SLC2A13: variants seen among roughly 807,000 people sequenced by gnomAD.
SLC2A13 encodes the protein solute carrier family 2 member 13.
SLC2A13 carries 32 observed loss-of-function variants against 64.4 expected under a neutral mutation model. The observed-to-expected ratio is 0.50, with a 90% CI of 0.37 to 0.67. The LOEUF is 0.67. Ranked by LOEUF, SLC2A13 falls within the 30% of genes least tolerant of loss-of-function variation. SLC2A13 has a pLI of 0.00. For synonymous variants in SLC2A13, 338 were observed against 327.1 expected (o/e 1.03, Z -0.36); for missense variants, 743 against 829.2 (o/e 0.90, Z 1.28).
At chr12:40,061,360 A>G (rs1948418979) in intron 1 of SLC2A13, among the ~76,000 whole-genome samples, 1 of 152,140 alleles carries the variant, frequency 6.6e-6, no homozygotes, top group South Asian at 2.1e-4. Flanking sequence ...TAAAAGCAAA[A>G]GGATAAAAAA....
At chr12:39,835,206 T>C (rs1156271714) in intron 6 of SLC2A13, among the ~76,000 whole-genome samples, 1 of 152,030 alleles carries the variant, frequency 6.6e-6, no homozygotes, top group East Asian at 1.9e-4. Flanking sequence ...TGGACTAAGG[T>C]CTAAATTCTA....
Position 40,106,028 on chromosome 12 carries a change from G to A in SLC2A13, c.-220C>T, listed in dbSNP as rs1000521589. ...ACGCTGCGGAGTTGGAGCCCGGCGG[G>A]TCTCACTCCACACTCACGCCCCGCG... On this transcript the variant is annotated 5_prime_UTR_variant, in exon 1 of 10. Transcript: ENST00000280871. The A allele has an allele frequency of 8.6e-6, 4 of 466,432 alleles. No homozygotes were observed. Among genetic ancestry groups the A allele is most frequent in the Admixed American group, 4.6e-5 (1 of 21,766 alleles). 28.9% of individuals were successfully genotyped at this position (466,432 alleles called of 1,614,324 possible). A position where few individuals can be genotyped will look rare whatever the true frequency, so the allele number is the denominator to read the frequency against.
intron 3 of SLC2A13, among the ~76,000 whole-genome samples, chr12:39,991,422 C>T (rs1293539512): frequency 6.6e-6 from 1 of 152,148 alleles, no homozygotes; most frequent in Non-Finnish European, 1.5e-5. Context: ...AGTGTTCCTA[C>T]TTAAGTAGAC....
chr12:39,782,970 A>G (rs1227905732), intron 7 of SLC2A13, among the ~76,000 whole-genome samples: 1 of 152,186 alleles, frequency 6.6e-6, no homozygotes, highest in Non-Finnish European at 1.5e-5. Flanking sequence ...TGCTGCACCC[A>G]TTAACTCGTC....
rs201260405 is a variant in SLC2A13, at chr12:39,790,205, G to GT, written c.1446-25348dup. Among the ~76,000 whole-genome samples the GT allele has an allele frequency of 3.1e-3, 153 of 49,910 alleles. 1 individual carries two copies. Among genetic ancestry groups the GT allele is most frequent in the African/African-American group, 0.011 (130 of 12,374 alleles). The allele number at this position is 49,910 out of a possible 152,430, so 32.7% of individuals were successfully genotyped here. ...TATTAGTATAGCCTAAGTGTACAGT[G>GT]TTTTTTTTTTCTTCTTCTTCTTTTT... On this transcript the variant is annotated intron_variant, in intron 7 of 9. Transcript: ENST00000280871.
At chr12:39,840,248 A>G (rs1189850269) in intron 6 of SLC2A13, among the ~76,000 whole-genome samples, 1 of 151,586 alleles carries the variant, frequency 6.6e-6, no homozygotes, top group Non-Finnish European at 1.5e-5. Context: ...GCCAGCCACC[A>G]CGCCCAGCCT....
chr12:40,084,857 G>T (rs1453291380), intron 1 of SLC2A13, among the ~76,000 whole-genome samples: 4 of 152,118 alleles, frequency 2.6e-5, no homozygotes, highest in Non-Finnish European at 5.9e-5. Flanking sequence ...CTAGTAAGTT[G>T]ACAGATGACT....
chr12:39,969,643 GGTT>G (rs1946603765), intron 3 of SLC2A13, among the ~76,000 whole-genome samples: 2 of 152,044 alleles, frequency 1.3e-5, no homozygotes, highest in Admixed American at 6.6e-5. Flanking sequence ...TTGTTGATGG[GGTT>G]GTTTGTTTTT....
At chr12:39,763,082 A>G (rs1410675789) in intron 9 of SLC2A13, among the ~76,000 whole-genome samples, 1 of 152,080 alleles carries the variant, frequency 6.6e-6, no homozygotes, top group Non-Finnish European at 1.5e-5. Context: ...AGTGTTCTCT[A>G]GAATCAGTAA....
At chr12:39,923,342 T>C (rs1489327815) in intron 4 of SLC2A13, among the ~76,000 whole-genome samples, 2 of 152,202 alleles carry the variant, frequency 1.3e-5, no homozygotes, top group East Asian at 3.8e-4. Context: ...AAAGTTCTGA[T>C]ACATGCTACA....
intron 2 of SLC2A13, among the ~76,000 whole-genome samples, chr12:40,045,464 C>A (rs941052806): frequency 1.3e-5 from 2 of 150,638 alleles, no homozygotes; most frequent in African/African-American, 2.4e-5. Context: ...TAAGGTAGCA[C>A]TTCAATTTTT....
intron 3 of SLC2A13, among the ~76,000 whole-genome samples, chr12:40,012,713 C>CA (rs1321730865): frequency 1.4e-4 from 21 of 152,292 alleles, no homozygotes; most frequent in African/African-American, 4.8e-4. Flanking sequence ...CAATAACTGT[C>CA]ACAGATAACA....
chr12:39,999,652 C>A (rs1422764787), intron 3 of SLC2A13, among the ~76,000 whole-genome samples: 2 of 152,194 alleles, frequency 1.3e-5, no homozygotes, highest in African/African-American at 4.8e-5. Context: ...TGAACATAGA[C>A]CATTATCAGT....
intron 4 of SLC2A13, among the ~76,000 whole-genome samples, chr12:39,946,884 C>T (rs1228817478): frequency 6.6e-6 from 1 of 152,132 alleles, no homozygotes; most frequent in Non-Finnish European, 1.5e-5. Context: ...GGCTTCTTGC[C>T]CCATTCAAAT....
chr12:39,901,984 C>A (rs1262912909), intron 4 of SLC2A13, among the ~76,000 whole-genome samples: 2 of 151,974 alleles, frequency 1.3e-5, no homozygotes, highest in Admixed American at 6.6e-5. Flanking sequence ...AAATGTGGCA[C>A]ATATACACCA....
intron 6 of SLC2A13, among the ~76,000 whole-genome samples, chr12:39,863,724 T>C (rs1254614205): frequency 1.3e-5 from 2 of 152,086 alleles, no homozygotes; most frequent in Non-Finnish European, 2.9e-5. Context: ...AACAAACTTA[T>C]CAGTAAAATA....
At chr12:39,787,114 C>T (rs865798128) in intron 7 of SLC2A13, among the ~76,000 whole-genome samples, 3 of 152,018 alleles carry the variant, frequency 2.0e-5, no homozygotes, top group African/African-American at 7.3e-5. Flanking sequence ...TTAAAAGTTG[C>T]AGAAAAATTT....
At chr12:39,973,717 C>T (rs906243348) in intron 3 of SLC2A13, among the ~76,000 whole-genome samples, 3 of 152,194 alleles carry the variant, frequency 2.0e-5, no homozygotes, top group Non-Finnish European at 4.4e-5. Flanking sequence ...TCCCTCACAC[C>T]TGTCTGTTAA....
chr12:39,977,916 C>T (rs1032876757), intron 3 of SLC2A13, among the ~76,000 whole-genome samples: 1 of 152,316 alleles, frequency 6.6e-6, no homozygotes, highest in Non-Finnish European at 1.5e-5. Flanking sequence ...CCCCTAAATG[C>T]CCATTTCCCT....
Sources: gnomAD v4.1 joint callset for allele counts (sites outside exome capture counted in the v4.1 genomes callset) on GRCh38, gnomAD v4.1.1 for gene constraint, MANE v1.5 for transcripts, NCBI Gene and HGNC (gene_info 2026-07-23, HGNC 2026-07-21) for gene names.